The following UNC80 variants were observed in gnomAD, a reference collection of about 807,000 sequenced individuals.
UNC80 encodes the protein unc-80 subunit of NALCN channel complex, also known as protein unc-80 homolog.
Under a neutral mutation model 384.6 loss-of-function variants are expected in UNC80, and 164 were observed. The ratio of observed to expected loss-of-function variants is 0.43; its 90% confidence interval spans 0.38 to 0.49. UNC80 has a LOEUF of 0.49. Among genes scored for constraint, UNC80 ranks in the 20% least tolerant of loss-of-function variants. The pLI is 0.00. For synonymous variants in UNC80, 1,486 were observed against 1,527.8 expected, an observed-to-expected ratio of 0.97 and a Z score of 0.64; for missense variants, 3,330 against 4,143.0, an observed-to-expected ratio of 0.80 and a Z score of 5.39.
At chr2:209,798,089 A>T (rs573187211) in intron 7 of UNC80, among the ~76,000 whole-genome samples, 9 of 151,838 alleles carry the variant, frequency 5.9e-5, no homozygotes, top group Admixed American at 2.0e-4. Context: ...GATTGGAAAA[A>T]TTTTCTCCCA....
At chr2:209,886,001 G>C (rs1281419058) in intron 25 of UNC80, among the ~76,000 whole-genome samples, 1 of 152,026 alleles carries the variant, frequency 6.6e-6, no homozygotes, top group Non-Finnish European at 1.5e-5. Flanking sequence ...CTGGCCTCGT[G>C]ATCGGCCTGC....
At chr2:209,913,730 T>G in intron 30 of UNC80, 72 bp from the exon 31 acceptor site, 7 of 1,439,326 alleles carry the variant, frequency 4.9e-6, no homozygotes, top group Non-Finnish European at 6.5e-6. Context: ...GGACGTGGCT[T>G]TTAAGTTTCA....
chr2:209,936,383 A>C (rs1371510409), intron 40 of UNC80, among the ~76,000 whole-genome samples: 1 of 152,200 alleles, frequency 6.6e-6, no homozygotes, highest in Non-Finnish European at 1.5e-5. Flanking sequence ...CCTAGTATAT[A>C]GTATATAATG....
chr2:209,836,345 GA>G (rs1220110078), intron 18 of UNC80, among the ~76,000 whole-genome samples: 1 of 137,024 alleles, frequency 7.3e-6, no homozygotes, highest in Non-Finnish European at 1.7e-5. Flanking sequence ...AAAAAGAAGA[GA>G]TTTTTTTTTT....
intron 61 of UNC80, among the ~76,000 whole-genome samples, chr2:209,986,717 A>T (rs1285710049): frequency 6.6e-6 from 1 of 152,176 alleles, no homozygotes; most frequent in Admixed American, 6.5e-5. Context: ...TGAGGCATTC[A>T]CTTTGGCTTC....
chr2:209,973,125 C>G lies in UNC80; in HGVS notation c.8442C>G (p.Leu2814=), dbSNP rs980226845. 2.6e-6 allele frequency: 4 copies of G among 1,551,444 alleles called. No individual in the cohort carries two copies. The African/African-American group carries it at 5.5e-5, about 21-fold the overall frequency. The change falls in exon 56 of 65, where the codon CTC becomes CTG. Residue 2814 remains leucine (L), a synonymous_variant. Transcript: ENST00000673920. ...QLLLQTVINV[L]LPPRIISTSR... ...TGCTGCAGACAGTCATCAATGTACT[C>G]CTCCCACCGCGGATCATCAGCACAT... is the stretch of plus-strand genomic sequence containing the variant.
intron 47 of UNC80, among the ~76,000 whole-genome samples, chr2:209,946,417 A>C (rs1470772808): frequency 6.6e-6 from 1 of 151,994 alleles, no homozygotes; most frequent in African/African-American, 2.4e-5. Flanking sequence ...AGAAGAAACA[A>C]AGTTTAGGAA....
chr2:209,910,349 G>A (rs1409000412), intron 29 of UNC80, among the ~76,000 whole-genome samples: 1 of 151,898 alleles, frequency 6.6e-6, no homozygotes, highest in South Asian at 2.1e-4. Flanking sequence ...CACACCAATA[G>A]AGGGACTTTA....
Position 209,844,451 on chromosome 2 carries a change from T to TTTTCTTTCTTTCTTTCTTTCTTTC in UNC80, c.3454+2010_3454+2033dup, listed in dbSNP as rs368627996. 2.7e-3 allele frequency among the ~76,000 whole-genome samples: 159 copies of TTTTCTTTCTTTCTTTCTTTCTTTC among 58,210 alleles called. 12 individuals are homozygous for TTTTCTTTCTTTCTTTCTTTCTTTC. Among genetic ancestry groups the TTTTCTTTCTTTCTTTCTTTCTTTC allele is most frequent in the Middle Eastern group, 0.01 (1 of 98 alleles). 38.2% of individuals were successfully genotyped at this position (58,210 alleles called of 152,430 possible). On this transcript the variant is annotated intron_variant, in intron 21 of 64. Transcript: ENST00000673920. Reference sequence around the variant, plus strand: ...CTCTTTCTCTTTTCTTGCTCTTTTCTTTTCTTTCTTTCTTTCTTTCTTTCT... The same window carrying TTTTCTTTCTTTCTTTCTTTCTTTC: ...CTCTTTCTCTTTTCTTGCTCTTTTCTTTTCTTTCTTTCTTTCTTTCTTTCTTTCTTTCTTTCTTTCTTTCTTTCT...
chr2:209,844,660 G>A (rs1218647770), intron 21 of UNC80, among the ~76,000 whole-genome samples: 1 of 151,058 alleles, frequency 6.6e-6, no homozygotes, highest in African/African-American at 2.4e-5. Context: ...TACAATCATA[G>A]TCCACTGCCG....
rs1027530351 is a variant in UNC80, at chr2:209,825,922, G to C, written c.2347G>C (p.Val783Leu). ...TGGGTACCAGGATGAAAGTACACCT[G>C]TAAGCAACCATAGGCTTGCTCTAAC... The part of the protein sequence containing the change: ...KNQEKDESTP[V>L]SNHRLALTML... The change falls in exon 14 of 65, where the codon GTA becomes CTA. Residue 783 changes from valine to leucine, a missense_variant. Val to Leu is a conservative substitution (Grantham distance 32). Transcript: ENST00000673920. The C allele has an allele frequency of 1.9e-6, 3 of 1,546,464 alleles. No homozygotes were observed. In the African/African-American group the frequency reaches 4.1e-5, roughly 21 times the overall value.
chr2:209,852,760 A>G (rs1344533921), intron 22 of UNC80, among the ~76,000 whole-genome samples: 1 of 152,072 alleles, frequency 6.6e-6, no homozygotes, highest in Non-Finnish European at 1.5e-5. Flanking sequence ...GCTAACTTTC[A>G]CTGATGTTTT....
chr2:209,828,815 A>T (rs1219852285), intron 14 of UNC80, among the ~76,000 whole-genome samples: 1 of 152,032 alleles, frequency 6.6e-6, no homozygotes, highest in Non-Finnish European at 1.5e-5. Context: ...TGTCTCTTTT[A>T]TTCAGATATA....
chr2:209,913,724 G>A (rs1179571751), intron 30 of UNC80, 78 bp from the exon 31 acceptor site: 9 of 1,406,080 alleles, frequency 6.4e-6, no homozygotes, highest in South Asian at 1.6e-5. Flanking sequence ...GAGAGGGGAC[G>A]TGGCTTTTAA....
intron 4 of UNC80, among the ~76,000 whole-genome samples, chr2:209,783,254 G>A (rs1201060196): frequency 6.6e-6 from 1 of 152,206 alleles, no homozygotes; most frequent in South Asian, 2.1e-4. Flanking sequence ...CTTTACAACT[G>A]TTTGAATGAT....
At chr2:209,932,079 T>C (rs548185497) in intron 38 of UNC80, among the ~76,000 whole-genome samples, 2 of 152,300 alleles carry the variant, frequency 1.3e-5, no homozygotes, top group South Asian at 4.1e-4. Context: ...GGCTGGTTGC[T>C]GGATATCTGG....
At chr2:209,849,769 G>T (rs1438001036) in intron 22 of UNC80, 146 bp downstream of exon 22, 8 of 876,736 alleles carry the variant, frequency 9.1e-6, no homozygotes, top group Non-Finnish European at 1.4e-5. Flanking sequence ...AAGAAAGATG[G>T]TGAAAAAGGG....
intron 6 of UNC80, among the ~76,000 whole-genome samples, chr2:209,789,863 G>A (rs2077686117): frequency 1.4e-5 from 2 of 141,424 alleles, no homozygotes; most frequent in Admixed American, 7.0e-5. Context: ...TGTGTAATGA[G>A]TTGTGCTTTA....
intron 61 of UNC80, among the ~76,000 whole-genome samples, chr2:209,990,697 C>T (rs1273493553): frequency 6.6e-6 from 1 of 152,112 alleles, no homozygotes; most frequent in Non-Finnish European, 1.5e-5. Context: ...GAATTTATTG[C>T]ATTGTTCCTT....
Sources: allele counts gnomAD v4.1 joint callset (sites outside exome capture counted in the v4.1 genomes callset), GRCh38; gene constraint gnomAD v4.1.1; transcripts MANE v1.5; gene names NCBI Gene and HGNC (gene_info 2026-07-23, HGNC 2026-07-21).